Variants in ZNG1B observed in about 807,000 individuals in gnomAD.
ZNG1B encodes the protein Zn regulated GTPase metalloprotein activator 1B, also known as zinc-regulated GTPase metalloprotein activator 1B.
At chr2:113,454,647 T>C in the ZNG1B span, 4 of 1,223,466 alleles carry the variant, frequency 3.3e-6, no homozygotes, top group Non-Finnish European at 4.7e-6. Context: ...TGAACTGAAA[T>C]AGGTTAGTTT....
the ZNG1B span, among the ~76,000 whole-genome samples, chr2:113,474,539 T>G: frequency 6.7e-6 from 1 of 148,814 alleles, no homozygotes; most frequent in Non-Finnish European, 1.5e-5. Flanking sequence ...AGCTTTTGAA[T>G]GTGTTTGCTC....
At chr2:113,440,346 C>T in the ZNG1B span, among the ~76,000 whole-genome samples, 2 of 151,216 alleles carry the variant, frequency 1.3e-5, no homozygotes, top group East Asian at 1.9e-4. Context: ...AGTAAATCTT[C>T]TCTTAGAAGA....
the ZNG1B span, chr2:113,444,482 C>T: frequency 6.5e-6 from 1 of 153,034 alleles, no homozygotes; most frequent in Admixed American, 6.5e-5. Context: ...CTTTCTTGAA[C>T]AACCAAAATA....
chr2:113,443,507 A>G, the ZNG1B span, among the ~76,000 whole-genome samples: 1 of 150,272 alleles, frequency 6.7e-6, no homozygotes, highest in Admixed American at 6.7e-5. Flanking sequence ...GGGGTGGCCA[A>G]GTAAGAGGCC....
the ZNG1B span, among the ~76,000 whole-genome samples, chr2:113,458,549 A>G: frequency 7.3e-6 from 1 of 136,412 alleles, no homozygotes; most frequent in Non-Finnish European, 1.6e-5. Context: ...TTAGTCTACC[A>G]CTGTTAGCTT....
At chr2:113,489,611 C>T in the ZNG1B span, among the ~76,000 whole-genome samples, 1 of 152,150 alleles carries the variant, frequency 6.6e-6, no homozygotes, top group Admixed American at 6.5e-5. Flanking sequence ...CTGTTGCCTT[C>T]AAGAGTCTCA....
At chr2:113,438,371 C>G in the ZNG1B span, among the ~76,000 whole-genome samples, 1 of 152,066 alleles carries the variant, frequency 6.6e-6, no homozygotes, top group Non-Finnish European at 1.5e-5. Flanking sequence ...GGAGAAATAC[C>G]TGTCACCTGT....
chr2:113,453,441 C>T, the ZNG1B span, among the ~76,000 whole-genome samples: 2 of 150,656 alleles, frequency 1.3e-5, no homozygotes, highest in Non-Finnish European at 3.0e-5. Flanking sequence ...TTAGTAGAGA[C>T]GGGGTTTCGC....
the ZNG1B span, among the ~76,000 whole-genome samples, chr2:113,487,727 A>G: frequency 6.6e-6 from 1 of 150,390 alleles, no homozygotes; most frequent in African/African-American, 2.5e-5. Flanking sequence ...AGGATACATA[A>G]TATTTGGTTG....
At chr2:113,451,426 T>TA in the ZNG1B span, among the ~76,000 whole-genome samples, 1 of 140,930 alleles carries the variant, frequency 7.1e-6, no homozygotes, top group African/African-American at 2.6e-5. Context: ...AGGGAGATTC[T>TA]AAAATGTAGT....
At chr2:113,475,711 C>T in the ZNG1B span, among the ~76,000 whole-genome samples, 1 of 151,922 alleles carries the variant, frequency 6.6e-6, no homozygotes, top group African/African-American at 2.4e-5. Context: ...TCAGCATTTG[C>T]TTGTCTGTAA....
the ZNG1B span, among the ~76,000 whole-genome samples, chr2:113,474,738 T>C: frequency 6.6e-6 from 1 of 152,030 alleles, no homozygotes; most frequent in Non-Finnish European, 1.5e-5. Context: ...GCCTTCATTT[T>C]GTTATGTACC....
chr2:113,478,800 TAAAG>T, the ZNG1B span, among the ~76,000 whole-genome samples: 81 of 148,564 alleles, frequency 5.5e-4, no homozygotes, highest in African/African-American at 1.9e-3. Context: ...AAAAAAAAAA[TAAAG>T]AAAGAAAGAA....
the ZNG1B span, chr2:113,439,210 C>T: frequency 2.9e-6 from 4 of 1,395,630 alleles, no homozygotes; most frequent in African/African-American, 1.5e-5. Context: ...GATAGTTTCA[C>T]TCCTATCCCT....
the ZNG1B span, among the ~76,000 whole-genome samples, chr2:113,440,403 T>A: frequency 1.3e-5 from 2 of 152,090 alleles, no homozygotes; most frequent in African/African-American, 4.8e-5. Context: ...CACTGCCCTG[T>A]GAAACACTCA....
the ZNG1B span, among the ~76,000 whole-genome samples, chr2:113,488,285 C>T: frequency 6.6e-6 from 1 of 152,144 alleles, no homozygotes; most frequent in Non-Finnish European, 1.5e-5. Flanking sequence ...TACAGCTCAG[C>T]TCTCAGGAAG....
chr2:113,442,631 G>C, the ZNG1B span, among the ~76,000 whole-genome samples: 2 of 151,752 alleles, frequency 1.3e-5, no homozygotes, highest in Non-Finnish European at 2.9e-5. Flanking sequence ...TTTTTTCCTG[G>C]ATCATTTTCG....
the ZNG1B span, chr2:113,465,689 T>C: frequency 5.4e-6 from 5 of 928,194 alleles, no homozygotes; most frequent in Admixed American, 3.1e-4. Context: ...CTGTTTTCCA[T>C]TGAATGTTAT....
the ZNG1B span, among the ~76,000 whole-genome samples, chr2:113,438,516 CTCCTA>C: frequency 4.2e-4 from 64 of 152,298 alleles, no homozygotes; most frequent in Non-Finnish European, 6.9e-4. Flanking sequence ...GCAGGGAGCG[CTCCTA>C]TCTTAAACAC....
Sources: allele counts gnomAD v4.1 joint callset (sites outside exome capture counted in the v4.1 genomes callset), GRCh38; gene constraint gnomAD v4.1.1; transcripts MANE v1.5; gene names NCBI Gene and HGNC (gene_info 2026-07-23, HGNC 2026-07-21).